Variants in VPS41 observed in about 807,000 individuals in gnomAD.
VPS41 encodes the protein vacuolar protein sorting-associated protein 41 homolog.
Under a neutral mutation model 130.9 loss-of-function variants are expected in VPS41, and 85 were observed. The observed-to-expected ratio is 0.65, with a 90% CI of 0.55 to 0.78. The LOEUF (loss-of-function observed/expected upper bound fraction) is 0.78, where lower values mean the gene tolerates loss of function less well. Among genes scored for constraint, VPS41 ranks in the 30% least tolerant of loss-of-function variants. The probability of loss-of-function intolerance (pLI) is 0.00; values close to 1 mark genes in which losing one functional copy is unlikely to be tolerated. For missense variants in VPS41, 874 were observed against 1,018.7 expected (o/e 0.86, Z 1.93); for synonymous variants, 335 against 332.9 (o/e 1.01, Z -0.07).
chr7:38,786,413 A>G (rs1784440498), intron 10 of VPS41, among the ~76,000 whole-genome samples: 1 of 152,200 alleles, frequency 6.6e-6, no homozygotes, highest in African/African-American at 2.4e-5. Flanking sequence ...CAGGTGCTTC[A>G]GATTTCTTAC....
At chr7:38,743,671 A>C in intron 23 of VPS41, 129 bp from the exon 24 acceptor site, 2 of 1,007,722 alleles carry the variant, frequency 2.0e-6, no homozygotes, top group South Asian at 3.4e-5. Context: ...CTCATGTGAC[A>C]CCAACATTTA....
At position 38,723,569 on chromosome 7, in the gene VPS41, A is replaced by T. The variant is rs1367138170; in HGVS notation, c.*2677T>A. ...TGAAACCTCATCTCTACCAAAGTACAAAAAATTAGCTGGGCATGGTGGTGC... is the reference window on the plus strand; with the variant it reads ...TGAAACCTCATCTCTACCAAAGTACTAAAAATTAGCTGGGCATGGTGGTGC... On this transcript the variant is annotated 3_prime_UTR_variant, in exon 29 of 29. Transcript: ENST00000310301. 2 of 151,624 alleles carry T rather than the reference A, an allele frequency of 1.3e-5. No individual in the cohort carries two copies. The allele number at this position is 151,624 out of a possible 1,614,324, so 9.4% of individuals were successfully genotyped here.
intron 25 of VPS41, among the ~76,000 whole-genome samples, chr7:38,729,866 T>C (rs535689485): frequency 2.0e-5 from 3 of 152,320 alleles, no homozygotes; most frequent in Admixed American, 1.3e-4. Flanking sequence ...TAGGTATTAG[T>C]AGGAAACTGA....
In VPS41 at chr7:38,817,675, G is replaced by C. The variant is rs917193696; in HGVS notation, c.450+142C>G. ...AGCCACAACTCCCCCAAGAGATGAT[G>C]ATCATCAGATTTCATTACATTTGTC... On this transcript the variant is annotated intron_variant, in intron 7 of 28. Coordinates refer to ENST00000310301, the MANE Select transcript of VPS41 (RefSeq NM_014396.4). 3.7e-5 allele frequency: 28 copies of C among 763,484 alleles called. 1 individual carries two copies. Among genetic ancestry groups the C allele is most frequent in the South Asian group, 3.1e-4 (20 of 65,564 alleles). The allele number at this position is 763,484 out of a possible 1,614,324, so 47.3% of individuals were successfully genotyped here. A position where few individuals can be genotyped will look rare whatever the true frequency, so the allele number is the denominator to read the frequency against.
chr7:38,771,181 A>G lies in VPS41; in HGVS notation c.1185+17T>C. Reference sequence around the variant, plus strand: ...GAAAGATAAAATTATGTTTCAAATAACAAATTGCACACTTACCAGAATCTT... The same window carrying G: ...GAAAGATAAAATTATGTTTCAAATAGCAAATTGCACACTTACCAGAATCTT... On this transcript the variant is annotated intron_variant, in intron 14 of 28. Transcript: ENST00000310301. 6.4e-7 allele frequency: 1 copy of G among 1,557,466 alleles called. No individual in the cohort carries two copies. Among genetic ancestry groups the G allele is most frequent in the Non-Finnish European group, 8.8e-7 (1 of 1,136,268 alleles).
chr7:38,859,565 T>C (rs918928156), intron 4 of VPS41, among the ~76,000 whole-genome samples: 2 of 152,206 alleles, frequency 1.3e-5, no homozygotes, highest in Non-Finnish European at 2.9e-5. Context: ...TCCAATTGCC[T>C]ATGGTATTCA....
chr7:38,810,055 T>C (rs918508946), intron 7 of VPS41, among the ~76,000 whole-genome samples: 1 of 152,072 alleles, frequency 6.6e-6, no homozygotes, highest in Non-Finnish European at 1.5e-5. Flanking sequence ...TTGGTTCACG[T>C]GTTTGAAAGC....
At chr7:38,885,231 G>A (rs1003138252) in intron 2 of VPS41, among the ~76,000 whole-genome samples, 3 of 152,100 alleles carry the variant, frequency 2.0e-5, no homozygotes, top group African/African-American at 7.2e-5. Context: ...ATGCCACTAT[G>A]CCCGGCTGAT....
At chr7:38,839,923 T>C (rs897905198) in intron 4 of VPS41, among the ~76,000 whole-genome samples, 5 of 152,132 alleles carry the variant, frequency 3.3e-5, no homozygotes, top group African/African-American at 1.2e-4. Context: ...ACAATACAGG[T>C]TCAGTAAATG....
chr7:38,774,095 A>C lies in VPS41; in HGVS notation c.1012+20T>G. On this transcript the variant is annotated intron_variant, in intron 12 of 28. Coordinates refer to ENST00000310301, the MANE Select transcript of VPS41 (RefSeq NM_014396.4). Reference sequence around the variant, plus strand: ...AAAACATTAAAAAAGCATATCAGCCAGATCTTTCATATCTCCTACCTAAAT... The same window carrying C: ...AAAACATTAAAAAAGCATATCAGCCCGATCTTTCATATCTCCTACCTAAAT... The C allele has an allele frequency of 6.3e-7, 1 of 1,576,242 alleles. No individual in the cohort carries two copies.
At chr7:38,849,762 C>T (rs1785810564) in intron 4 of VPS41, among the ~76,000 whole-genome samples, 2 of 152,164 alleles carry the variant, frequency 1.3e-5, no homozygotes, top group South Asian at 4.2e-4. Flanking sequence ...TTTATAGGCA[C>T]AGGATGGGGT....
chr7:38,751,231 A>G (rs1365112174), intron 22 of VPS41, among the ~76,000 whole-genome samples: 1 of 152,236 alleles, frequency 6.6e-6, no homozygotes, highest in Non-Finnish European at 1.5e-5. Flanking sequence ...AAGTGTACAT[A>G]AACTGTGTTA....
At chr7:38,833,256 C>T (rs148862373) in intron 4 of VPS41, among the ~76,000 whole-genome samples, 97 of 152,296 alleles carry the variant, frequency 6.4e-4, no homozygotes, top group African/African-American at 2.2e-3. Flanking sequence ...CTTTCTCCTG[C>T]CCTAACTCTA....
intron 19 of VPS41, among the ~76,000 whole-genome samples, chr7:38,755,486 T>C (rs982208152): frequency 3.3e-5 from 5 of 152,166 alleles, no homozygotes; most frequent in Non-Finnish European, 7.3e-5. Context: ...TAGCCACTTT[T>C]ATCATTCAGG....
intron 10 of VPS41, among the ~76,000 whole-genome samples, chr7:38,789,439 A>C (rs1784495119): frequency 1.3e-5 from 2 of 152,084 alleles, no homozygotes; most frequent in Non-Finnish European, 2.9e-5. Flanking sequence ...AAGGGGAAAG[A>C]GAGGCATGGA....
chr7:38,840,781 T>C (rs902772568), intron 4 of VPS41, among the ~76,000 whole-genome samples: 1 of 152,190 alleles, frequency 6.6e-6, no homozygotes, highest in East Asian at 1.9e-4. Context: ...TCATATTAAT[T>C]ACCAGACAGG....
At chr7:38,764,150 TAAAC>T (rs924961057) in intron 16 of VPS41, among the ~76,000 whole-genome samples, 5 of 152,160 alleles carry the variant, frequency 3.3e-5, no homozygotes, top group Non-Finnish European at 7.3e-5. Flanking sequence ...TGCAGACAAT[TAAAC>T]AGACAATAAC....
At chr7:38,818,482 T>TC (rs1403950726) in intron 6 of VPS41, among the ~76,000 whole-genome samples, 1 of 152,162 alleles carries the variant, frequency 6.6e-6, no homozygotes, top group African/African-American at 2.4e-5. Flanking sequence ...ATCCAATCTT[T>TC]CTCCAGCCCC....
At chr7:38,886,727 A>T (rs915708637) in intron 2 of VPS41, among the ~76,000 whole-genome samples, 7 of 152,210 alleles carry the variant, frequency 4.6e-5, no homozygotes, top group African/African-American at 1.7e-4. Context: ...CAAGTGGGTC[A>T]CTGACCCCTG....
Sources: allele counts gnomAD v4.1 joint callset (sites outside exome capture counted in the v4.1 genomes callset), GRCh38; gene constraint gnomAD v4.1.1; transcripts MANE v1.5; gene names NCBI Gene and HGNC (gene_info 2026-07-23, HGNC 2026-07-21).